The following KALRN variants were observed in gnomAD, a reference collection of about 807,000 sequenced individuals.
KALRN encodes kalirin.
KALRN carries 70 observed loss-of-function variants against 353.7 expected under a neutral mutation model. That is an observed-to-expected ratio of 0.20 (90% CI 0.16 to 0.24). KALRN has a LOEUF of 0.24. KALRN is among the 10% of genes least tolerant of loss of function. The pLI is 1.00. For synonymous variants in KALRN, 1,391 were observed against 1,434.8 expected, an observed-to-expected ratio of 0.97 and a Z score of 0.69; for missense variants, 2,791 against 3,756.7, an observed-to-expected ratio of 0.74 and a Z score of 6.72.
intron 34 of KALRN, among the ~76,000 whole-genome samples, chr3:124,619,523 C>G (rs1277318283): frequency 8.6e-6 from 1 of 115,728 alleles, no homozygotes; most frequent in Non-Finnish European, 1.7e-5. Flanking sequence ...GTTTTACTCT[C>G]GTTGCCCAGG....
At chr3:124,289,319 A>G (rs1484899645) in intron 5 of KALRN, among the ~76,000 whole-genome samples, 2 of 152,216 alleles carry the variant, frequency 1.3e-5, no homozygotes, top group Non-Finnish European at 2.9e-5. Context: ...CATAGCAGGC[A>G]CTGTGTGACT....
chr3:124,124,329 G>A (rs900751701), intron 1 of KALRN, among the ~76,000 whole-genome samples: 1 of 152,322 alleles, frequency 6.6e-6, no homozygotes, highest in Admixed American at 6.5e-5. Context: ...TAGAAGTAGA[G>A]CTTGAAGATG....
At chr3:124,475,393 G>A (rs980779630) in intron 26 of KALRN, among the ~76,000 whole-genome samples, 1 of 152,114 alleles carries the variant, frequency 6.6e-6, no homozygotes, top group Non-Finnish European at 1.5e-5. Context: ...AAACTGAAAC[G>A]TTAGTCTTCA....
chr3:124,552,245 G>T (rs555445523), intron 33 of KALRN, among the ~76,000 whole-genome samples: 1 of 152,316 alleles, frequency 6.6e-6, no homozygotes, highest in Admixed American at 6.5e-5. Flanking sequence ...ACACGAATCT[G>T]TAAGTCACCC....
At chr3:124,400,809 A>G (rs2090759991) in intron 13 of KALRN, among the ~76,000 whole-genome samples, 1 of 152,196 alleles carries the variant, frequency 6.6e-6, no homozygotes, top group Admixed American at 6.5e-5. Context: ...GAATATATCC[A>G]TGGAGAAATT....
At chr3:124,541,011 C>A (rs1444152648) in intron 33 of KALRN, among the ~76,000 whole-genome samples, 3 of 152,006 alleles carry the variant, frequency 2.0e-5, no homozygotes, top group Non-Finnish European at 4.4e-5. Context: ...TTGCTAGTCA[C>A]AGCCTGTTCT....
chr3:124,268,971 A>G lies in KALRN; in HGVS notation c.685A>G (p.Ile229Val). 1 of 1,614,150 alleles carries G rather than the reference A, an allele frequency of 6.2e-7. No individual in the cohort carries two copies. Among genetic ancestry groups the G allele is most frequent in the East Asian group, 2.2e-5 (1 of 44,872 alleles). ...PVDVEGSRRLIDEHTQLKKKV... is the reference protein window; with the variant it reads ...PVDVEGSRRLVDEHTQLKKKV... ...GGATGTGGAGGGCTCTCGGCGGCTC[A>G]TTGACGAACACACACAGCTCAAGAA... Residue 229 changes from isoleucine (I) to valine (V), a missense_variant, in exon 5 of 60, where the codon ATT becomes GTT. Ile to Val is a conservative substitution (Grantham distance 29). This residue lies in a region of KALRN where 366 missense variants were observed against 489.2 expected (regional missense o/e 0.75). Transcript: ENST00000682506.
rs117617802 is a variant in KALRN, at chr3:124,375,456, C to T, written c.1771-9389C>T. 0.01 allele frequency among the ~76,000 whole-genome samples: 1,573 copies of T among 152,330 alleles called. 64 individuals carry two copies. The East Asian group carries it at 0.12, about 12-fold the overall frequency. On this transcript the variant is annotated intron_variant, in intron 10 of 59. Transcript: ENST00000682506. The stretch of plus-strand genomic sequence containing the variant: ...TCCTGGCTCCCCTAGGCCCAGCTTA[C>T]AGCCCTGACTCTGCCTTCCACAGCT...
intron 11 of KALRN, among the ~76,000 whole-genome samples, chr3:124,387,309 CTAG>C (rs2088521086): frequency 6.6e-6 from 1 of 152,192 alleles, no homozygotes. Context: ...TGAAATACTA[CTAG>C]AAGGAGTGGT....
chr3:124,189,589 G>A (rs922646296), intron 1 of KALRN, among the ~76,000 whole-genome samples: 31 of 151,672 alleles, frequency 2.0e-4, no homozygotes, highest in African/African-American at 7.3e-4. Flanking sequence ...GATCACCTGA[G>A]GTCAGGCGTT....
chr3:124,290,909 G>A (rs961640081), intron 5 of KALRN, among the ~76,000 whole-genome samples: 7 of 152,126 alleles, frequency 4.6e-5, no homozygotes, highest in African/African-American at 1.7e-4. Context: ...AAGGGAAGAG[G>A]AAGAAAAAGA....
chr3:124,173,761 A>C (rs2072247387), intron 1 of KALRN, among the ~76,000 whole-genome samples: 1 of 152,132 alleles, frequency 6.6e-6, no homozygotes. Context: ...GATTACAGGC[A>C]TGTGCCACCA....
At chr3:124,584,082 T>C (rs948769021) in intron 34 of KALRN, among the ~76,000 whole-genome samples, 1 of 151,928 alleles carries the variant, frequency 6.6e-6, no homozygotes, top group African/African-American at 2.4e-5. Context: ...ATGGGGAAAC[T>C]GAAGATAAAA....
At chr3:124,237,970 G>T (rs1238242411) in intron 3 of KALRN, among the ~76,000 whole-genome samples, 1 of 152,072 alleles carries the variant, frequency 6.6e-6, no homozygotes, top group African/African-American at 2.4e-5. Context: ...CCATTTGGGG[G>T]ACCATTTTAG....
At chr3:124,503,649 C>G (rs1336330041) in intron 33 of KALRN, among the ~76,000 whole-genome samples, 1 of 152,120 alleles carries the variant, frequency 6.6e-6, no homozygotes, top group Non-Finnish European at 1.5e-5. Context: ...TCTGGCTGCC[C>G]TCTCACCTCC....
At chr3:124,368,992 T>C (rs2085438418) in intron 10 of KALRN, among the ~76,000 whole-genome samples, 1 of 151,884 alleles carries the variant, frequency 6.6e-6, no homozygotes, top group African/African-American at 2.4e-5. Flanking sequence ...TGAGCCGAGA[T>C]GGCAGCAGTA....
chr3:124,151,872 G>T, intron 1 of KALRN: 1 of 514,270 alleles, frequency 1.9e-6, no homozygotes, highest in South Asian at 2.7e-5. Flanking sequence ...GTGAGAAAGA[G>T]AGGTTATTAT....
At chr3:124,537,791 G>T (rs191547086) in intron 33 of KALRN, among the ~76,000 whole-genome samples, 75 of 152,320 alleles carry the variant, frequency 4.9e-4, no homozygotes, top group Admixed American at 1.9e-3. Flanking sequence ...ACCTTATGTG[G>T]TATGCTCAGG....
chr3:124,353,706 T>A (rs1394123699), intron 10 of KALRN, among the ~76,000 whole-genome samples: 1 of 151,940 alleles, frequency 6.6e-6, no homozygotes, highest in African/African-American at 2.4e-5. Flanking sequence ...CTTAAATAGA[T>A]GCTTTTTCAC....
Sources: gnomAD v4.1 joint callset for allele counts (sites outside exome capture counted in the v4.1 genomes callset) on GRCh38, gnomAD v4.1.1 for gene constraint, gnomAD v4.1.1 regional missense constraint, MANE v1.5 for transcripts, NCBI Gene and HGNC (gene_info 2026-07-23, HGNC 2026-07-21) for gene names.